The following GPC6 variants were observed in gnomAD, a reference collection of about 807,000 sequenced individuals.
GPC6 encodes glypican 6.
A neutral mutation model predicts 55.2 loss-of-function variants in GPC6; 14 were observed. The ratio of observed to expected loss-of-function variants is 0.25; its 90% confidence interval spans 0.17 to 0.40. The LOEUF is 0.40. Among genes scored for constraint, GPC6 ranks in the 10% least tolerant of loss-of-function variants. The probability of loss-of-function intolerance (pLI) is 1.00; values close to 1 mark genes in which losing one functional copy is unlikely to be tolerated. For synonymous variants in GPC6, 278 were observed against 259.6 expected (o/e 1.07, Z -0.68); for missense variants, 641 against 708.5 (o/e 0.90, Z 1.08).
chr13:94,374,279 G>A (rs1356827403), intron 6 of GPC6, among the ~76,000 whole-genome samples: 5 of 151,336 alleles, frequency 3.3e-5, no homozygotes, highest in Non-Finnish European at 1.5e-5. Context: ...CAAATTGGAT[G>A]AAGAGTCAAG....
At chr13:93,603,042 A>G (rs556385519) in intron 2 of GPC6, among the ~76,000 whole-genome samples, 2 of 150,714 alleles carry the variant, frequency 1.3e-5, no homozygotes, top group East Asian at 3.9e-4. Context: ...CAAGTTCTCC[A>G]TATGTTACCC....
At chr13:94,040,805 T>C (rs1883504353) in intron 4 of GPC6, among the ~76,000 whole-genome samples, 1 of 151,874 alleles carries the variant, frequency 6.6e-6, no homozygotes, top group South Asian at 2.1e-4. Flanking sequence ...TCAAATACTT[T>C]AATAGTGGCC....
intron 4 of GPC6, among the ~76,000 whole-genome samples, chr13:94,196,937 G>A (rs930944940): frequency 6.6e-6 from 1 of 152,058 alleles, no homozygotes; most frequent in Admixed American, 6.6e-5. Flanking sequence ...TCAGATGCAT[G>A]GTAATATGTC....
chr13:93,604,273 A>G (rs7992422), intron 2 of GPC6, among the ~76,000 whole-genome samples: 5,943 of 152,302 alleles, frequency 0.039, 383 homozygotes, highest in African/African-American at 0.13. Flanking sequence ...TCACATTGTT[A>G]TATACGTGAC....
At chr13:94,081,325 C>T (rs9524325) in intron 4 of GPC6, among the ~76,000 whole-genome samples, 27,094 of 151,900 alleles carry the variant, frequency 0.18, 2,547 homozygotes, top group South Asian at 0.25. Flanking sequence ...ATTTTTTTAC[C>T]AATTCTCTGG....
intron 2 of GPC6, among the ~76,000 whole-genome samples, chr13:93,805,044 T>G (rs965469747): frequency 1.3e-5 from 2 of 152,152 alleles, no homozygotes; most frequent in African/African-American, 4.8e-5. Flanking sequence ...CTTTAAAAAT[T>G]TATTCTTTCT....
intron 4 of GPC6, among the ~76,000 whole-genome samples, chr13:94,281,480 C>T (rs1462587552): frequency 6.6e-6 from 1 of 152,108 alleles, no homozygotes; most frequent in Non-Finnish European, 1.5e-5. Context: ...TTGAAAATCA[C>T]TATCTTCTAG....
chr13:93,700,479 C>T (rs1215273487), intron 2 of GPC6, among the ~76,000 whole-genome samples: 1 of 152,132 alleles, frequency 6.6e-6, no homozygotes, highest in Non-Finnish European at 1.5e-5. Flanking sequence ...GCAAGACTTA[C>T]AGAAATCTCC....
chr13:93,549,421 T>C (rs1359319018), intron 2 of GPC6, among the ~76,000 whole-genome samples: 4 of 152,176 alleles, frequency 2.6e-5, no homozygotes, highest in Non-Finnish European at 5.9e-5. Flanking sequence ...CAGGCAAATA[T>C]TCAGCTAGTA....
At chr13:93,225,248 T>C (rs1296676446), upstream of GPC6, among the ~76,000 whole-genome samples, 1 of 152,190 alleles carries the variant, frequency 6.6e-6, no homozygotes, top group Non-Finnish European at 1.5e-5. Context: ...GGAAGTCACG[T>C]TGTCAAATAT....
intron 1 of GPC6, among the ~76,000 whole-genome samples, chr13:93,337,222 A>G (rs186300340): frequency 3.3e-5 from 5 of 152,318 alleles, no homozygotes; most frequent in Non-Finnish European, 7.3e-5. Flanking sequence ...GAGTTTGTTT[A>G]GCTTGATTTT....
At chr13:93,775,605 T>C (rs181147031) in intron 2 of GPC6, among the ~76,000 whole-genome samples, 1 of 152,192 alleles carries the variant, frequency 6.6e-6, no homozygotes, top group African/African-American at 2.4e-5. Context: ...GTCAAGCAAA[T>C]ATTACTTTGC....
intron 1 of GPC6, among the ~76,000 whole-genome samples, chr13:93,285,799 T>A (rs1013392202): frequency 6.6e-6 from 1 of 152,148 alleles, no homozygotes; most frequent in Non-Finnish European, 1.5e-5. Context: ...ACAAAATTGC[T>A]GCTTTTGAAG....
intron 5 of GPC6, among the ~76,000 whole-genome samples, chr13:94,301,547 G>T (rs1388475992): frequency 6.6e-6 from 1 of 152,116 alleles, no homozygotes; most frequent in Non-Finnish European, 1.5e-5. Flanking sequence ...TAACTATCAG[G>T]TATGTACTTT....
chr13:94,350,522 G>T (rs1878488773), intron 6 of GPC6, among the ~76,000 whole-genome samples: 1 of 152,018 alleles, frequency 6.6e-6, no homozygotes, highest in Admixed American at 6.5e-5. Context: ...CATCTCTCTT[G>T]GTTGCCCATT....
At chr13:93,534,076 G>C (rs1211054436) in intron 1 of GPC6, among the ~76,000 whole-genome samples, 1 of 152,096 alleles carries the variant, frequency 6.6e-6, no homozygotes, top group Admixed American at 6.6e-5. Flanking sequence ...AACAGCAGTA[G>C]TATTCTGAAG....
intron 4 of GPC6, among the ~76,000 whole-genome samples, chr13:94,211,586 G>A (rs1890081193): frequency 6.6e-6 from 1 of 152,202 alleles, no homozygotes. Context: ...AACTCAGTGT[G>A]CTACTGATAG....
chr13:94,083,150 G>A (rs748881124), intron 4 of GPC6, among the ~76,000 whole-genome samples: 43 of 152,034 alleles, frequency 2.8e-4, no homozygotes, highest in Non-Finnish European at 5.0e-4. Context: ...ACGGAGTCTC[G>A]CTGTGTTGCC....
intron 2 of GPC6, among the ~76,000 whole-genome samples, chr13:93,565,975 G>A (rs1219830193): frequency 2.7e-5 from 4 of 150,874 alleles, no homozygotes; most frequent in African/African-American, 7.3e-5. Context: ...GGTCACTATA[G>A]TTGCTTCAGT....
Sources: gnomAD v4.1 joint callset for allele counts (sites outside exome capture counted in the v4.1 genomes callset) on GRCh38, gnomAD v4.1.1 for gene constraint, MANE v1.5 for transcripts, NCBI Gene and HGNC (gene_info 2026-07-23, HGNC 2026-07-21) for gene names.